COL8A1: variants seen among roughly 807,000 people sequenced by gnomAD.
COL8A1 encodes collagen type VIII alpha 1 chain, also known as collagen alpha-1(VIII) chain.
A neutral mutation model predicts 42.7 loss-of-function variants in COL8A1; 21 were observed. The observed-to-expected ratio is 0.49, with a 90% confidence interval of 0.35 to 0.71. The LOEUF is 0.71. Ranked by LOEUF, COL8A1 falls within the 30% of genes least tolerant of loss-of-function variation. The pLI, the probability that COL8A1 is intolerant of heterozygous loss-of-function variation, is 0.01. For missense variants in COL8A1, 788 were observed against 962.4 expected, an observed-to-expected ratio of 0.82 and a Z score of 2.40; for synonymous variants, 367 against 369.1, an observed-to-expected ratio of 0.99 and a Z score of 0.06.
intron 2 of COL8A1, among the ~76,000 whole-genome samples, chr3:99,780,329 AT>A (rs1308336458): frequency 6.6e-6 from 1 of 152,198 alleles, no homozygotes; most frequent in African/African-American, 2.4e-5. Context: ...AATTCAGGCA[AT>A]TTAGCTCATA....
intron 1 of COL8A1, among the ~76,000 whole-genome samples, chr3:99,742,751 G>A (rs550783010): frequency 1.3e-5 from 2 of 152,092 alleles, no homozygotes; most frequent in Admixed American, 6.6e-5. Flanking sequence ...CCAAGGTGTG[G>A]GTCTGGGAAA....
chr3:99,701,014 T>A (rs1610263), intron 1 of COL8A1, among the ~76,000 whole-genome samples: 134,705 of 152,162 alleles, frequency 0.89, 59,786 homozygotes, highest in Middle Eastern at 0.91. Flanking sequence ...GGTCAGAAGG[T>A]GTTGTTTACA....
chr3:99,703,104 G>C (rs776155524), intron 1 of COL8A1, among the ~76,000 whole-genome samples: 51 of 152,194 alleles, frequency 3.4e-4, no homozygotes, highest in Non-Finnish European at 5.7e-4. Flanking sequence ...TAATGCATCA[G>C]CAAGACCTTG....
rs567228826 is a variant in COL8A1 at position 99,796,037 on chromosome 3, C to T, written c.2136C>T (p.Asp712=). 5.0e-6 allele frequency: 8 copies of T among 1,613,298 alleles called. No individual in the cohort carries two copies. Among genetic ancestry groups the T allele is most frequent in the African/African-American group, 2.7e-5 (2 of 75,052 alleles). The part of the protein sequence containing the change: ...GSAVLLLRPG[D]RVFLQMPSEQ... ...CAGTGCTGCTGCTCAGGCCCGGAGACCGGGTGTTCCTCCAGATGCCCTCAG... is the reference window on the plus strand; with the variant it reads ...CAGTGCTGCTGCTCAGGCCCGGAGATCGGGTGTTCCTCCAGATGCCCTCAG... Residue 712 remains aspartate (D), a synonymous_variant, in exon 4 of 4, where the codon GAC becomes GAT. Transcript: ENST00000652472.
At position 99,795,923 on chromosome 3, in the gene COL8A1, G is replaced by T. The variant is rs1942099366; in HGVS notation, c.2022G>T (p.Val674=). 1 of 1,614,076 alleles carries T rather than the reference G, an allele frequency of 6.2e-7. No individual in the cohort carries two copies. The highest frequency in any genetic ancestry group is 1.1e-5 in the South Asian group (1 of 91,090). ...ACGTTCACTGCAAGGGGGGCAACGT[G>T]TGGGTTGCTCTATTCAAGAACAACG... ...AYHVHCKGGN[V]WVALFKNNEP... Residue 674 remains valine (V), a synonymous_variant, in exon 4 of 4, where the codon GTG becomes GTT. Coordinates refer to ENST00000652472, the MANE Select transcript of COL8A1 (RefSeq NM_020351.4).
intron 1 of COL8A1, among the ~76,000 whole-genome samples, chr3:99,696,059 G>A (rs986834402): frequency 2.0e-5 from 3 of 152,164 alleles, no homozygotes; most frequent in Non-Finnish European, 2.9e-5. Flanking sequence ...GCTTGAAGCC[G>A]GGAGGCAGAG....
intron 1 of COL8A1, among the ~76,000 whole-genome samples, chr3:99,673,575 T>G (rs946703975): frequency 6.6e-6 from 1 of 152,150 alleles, no homozygotes; most frequent in African/African-American, 2.4e-5. Flanking sequence ...TACATAAAAG[T>G]AAATTTTGAA....
At chr3:99,787,928 A>T (rs1941929308) in intron 2 of COL8A1, among the ~76,000 whole-genome samples, 1 of 152,124 alleles carries the variant, frequency 6.6e-6, no homozygotes, top group African/African-American at 2.4e-5. Flanking sequence ...ATCAAAGAAA[A>T]TATTAAGGAG....
At chr3:99,726,182 T>C (rs1940319024) in intron 1 of COL8A1, among the ~76,000 whole-genome samples, 1 of 152,216 alleles carries the variant, frequency 6.6e-6, no homozygotes, top group Non-Finnish European at 1.5e-5. Flanking sequence ...TGAGTACTTT[T>C]TCATGTGTTT....
At chr3:99,773,018 A>C (rs1412189127) in intron 2 of COL8A1, among the ~76,000 whole-genome samples, 1 of 152,202 alleles carries the variant, frequency 6.6e-6, no homozygotes, top group South Asian at 2.1e-4. Context: ...AAGTGGTTTA[A>C]CCTCTTTGGG....
intron 1 of COL8A1, among the ~76,000 whole-genome samples, chr3:99,724,700 T>A (rs1940254051): frequency 6.6e-6 from 1 of 152,100 alleles, no homozygotes. Context: ...GGTTAAAAAA[T>A]TCCAATGCTT....
At chr3:99,750,250 T>C (rs1941117952) in intron 2 of COL8A1, among the ~76,000 whole-genome samples, 1 of 151,930 alleles carries the variant, frequency 6.6e-6, no homozygotes, top group Non-Finnish European at 1.5e-5. Context: ...AGAGACAGGG[T>C]TTCGCCATGT....
intron 2 of COL8A1, among the ~76,000 whole-genome samples, chr3:99,752,855 G>A (rs1255580298): frequency 6.6e-6 from 1 of 152,118 alleles, no homozygotes; most frequent in Non-Finnish European, 1.5e-5. Flanking sequence ...AGGCTAGAAT[G>A]TGCACCTAGT....
At chr3:99,663,611 T>G (rs1938274602) in intron 1 of COL8A1, among the ~76,000 whole-genome samples, 1 of 152,196 alleles carries the variant, frequency 6.6e-6, no homozygotes, top group Non-Finnish European at 1.5e-5. Flanking sequence ...TAAATCATAT[T>G]TTCCAACAAT....
chr3:99,705,305 C>T (rs1185650166), intron 1 of COL8A1, among the ~76,000 whole-genome samples: 1 of 152,128 alleles, frequency 6.6e-6, no homozygotes, highest in East Asian at 1.9e-4. Flanking sequence ...CCTCTGAGGG[C>T]CAGCCTAATG....
chr3:99,740,815 A>G (rs1940879280), intron 1 of COL8A1, among the ~76,000 whole-genome samples: 2 of 152,232 alleles, frequency 1.3e-5, no homozygotes, highest in Admixed American at 1.3e-4. Flanking sequence ...GAATTAACAA[A>G]GGAAAAATAC....
chr3:99,729,991 C>T (rs528072197), intron 1 of COL8A1, among the ~76,000 whole-genome samples: 1 of 152,230 alleles, frequency 6.6e-6, no homozygotes, highest in African/African-American at 2.4e-5. Context: ...CTCCAGACAA[C>T]TGCCATGAAT....
chr3:99,714,256 T>C (rs1235963527), intron 1 of COL8A1, among the ~76,000 whole-genome samples: 1 of 152,130 alleles, frequency 6.6e-6, no homozygotes, highest in African/African-American at 2.4e-5. Context: ...AGTGCTGTAC[T>C]GGACTTCCTA....
At position 99,798,560 on chromosome 3, in the gene COL8A1, C is replaced by G. The variant is rs1942140903; in HGVS notation, c.*2424C>G. On this transcript the variant is annotated 3_prime_UTR_variant, in exon 4 of 4. Coordinates refer to ENST00000652472, the MANE Select transcript of COL8A1 (RefSeq NM_020351.4). The stretch of plus-strand genomic sequence containing the variant: ...TTAGTTAAAACCAAATTTCACTTTT[C>G]AAAATATCTTCCAACTTATTTATTG... The G allele has an allele frequency of 6.6e-6, 1 of 151,950 alleles. No homozygotes were observed. Among genetic ancestry groups the G allele is most frequent in the Non-Finnish European group, 1.5e-5 (1 of 68,002 alleles). The allele number at this position is 151,950 out of a possible 1,614,324, so 9.4% of individuals were successfully genotyped here. A position where few individuals can be genotyped will look rare whatever the true frequency, so the allele number is the denominator to read the frequency against.
Sources: gnomAD v4.1 joint callset for allele counts (sites outside exome capture counted in the v4.1 genomes callset) on GRCh38, gnomAD v4.1.1 for gene constraint, MANE v1.5 for transcripts, NCBI Gene and HGNC (gene_info 2026-07-23, HGNC 2026-07-21) for gene names.